Variants in PP2D1 observed in about 807,000 individuals in gnomAD.
The protein encoded by PP2D1 is protein phosphatase 2C like domain containing 1.
PP2D1 carries 25 observed loss-of-function variants against 30.2 expected under a neutral mutation model. The ratio of observed to expected loss-of-function variants is 0.83; its 90% CI spans 0.60 to 1.16. The LOEUF (loss-of-function observed/expected upper bound fraction) is 1.16. PP2D1 is among the 50% of genes most tolerant of loss of function. The pLI, the probability that PP2D1 is intolerant of heterozygous loss-of-function variation, is 0.00. For missense variants in PP2D1, 760 were observed against 742.4 expected (o/e 1.02, Z -0.28); for synonymous variants, 260 against 258.9 (o/e 1.00, Z -0.04).
chr3:20,004,707 C>T (rs1448727690), intron 1 of PP2D1, among the ~76,000 whole-genome samples: 2 of 152,052 alleles, frequency 1.3e-5, no homozygotes, highest in South Asian at 2.1e-4. Context: ...CATTTTTATC[C>T]ATTTCATGTA....
intron 3 of PP2D1, chr3:19,980,209 C>G (rs1696896845): frequency 6.6e-6 from 1 of 152,160 alleles, no homozygotes; most frequent in Admixed American, 6.5e-5. Context: ...GTTAATAGGC[C>G]TCTCAAATCA....
At chr3:19,985,167 A>G, downstream of PP2D1, 1 of 490,952 alleles carries the variant, frequency 2.0e-6, no homozygotes, top group Admixed American at 3.9e-5. Context: ...AAAGTGGTAT[A>G]AAAAGCAAGT....
chr3:19,987,850 T>C (rs973269867), intron 2 of PP2D1, among the ~76,000 whole-genome samples: 8 of 152,222 alleles, frequency 5.3e-5, no homozygotes, highest in Non-Finnish European at 1.2e-4. Context: ...TGTGAAGATT[T>C]AATGGACATT....
intron 2 of PP2D1, among the ~76,000 whole-genome samples, chr3:19,993,615 CTTAG>C (rs1489163431): frequency 2.0e-5 from 3 of 152,174 alleles, no homozygotes; most frequent in African/African-American, 7.2e-5. Context: ...TGCCAGTAAT[CTTAG>C]CTCCTTGGGA....
chr3:19,989,381 C>T (rs1434425735), intron 2 of PP2D1, among the ~76,000 whole-genome samples: 1 of 152,078 alleles, frequency 6.6e-6, no homozygotes, highest in Non-Finnish European at 1.5e-5. Context: ...AAACTGTTGT[C>T]TCATTTATAT....
downstream of PP2D1, chr3:19,984,684 T>G (rs2125135757): frequency 6.4e-6 from 1 of 155,050 alleles, no homozygotes; most frequent in East Asian, 1.9e-4. Context: ...CAAACTTGAT[T>G]ATTTTAAATT....
intron 1 of PP2D1, 132 bp downstream of exon 1, chr3:20,011,918 T>C: frequency 1.6e-6 from 1 of 620,470 alleles, no homozygotes; most frequent in Admixed American, 2.9e-5. Context: ...GATATATCAC[T>C]CTTCAATGTA....
intron 2 of PP2D1, among the ~76,000 whole-genome samples, chr3:19,989,724 C>T (rs1410854084): frequency 6.6e-6 from 1 of 152,080 alleles, no homozygotes; most frequent in Non-Finnish European, 1.5e-5. Flanking sequence ...AAAATTTTTA[C>T]GTGTGTGCAT....
At chr3:19,997,088 A>G (rs1427870420) in intron 2 of PP2D1, among the ~76,000 whole-genome samples, 2 of 152,108 alleles carry the variant, frequency 1.3e-5, no homozygotes, top group East Asian at 3.9e-4. Flanking sequence ...AGGCCCTGCT[A>G]TGGTATGTAT....
chr3:19,988,979 C>G (rs903751052), intron 2 of PP2D1, among the ~76,000 whole-genome samples: 4 of 151,430 alleles, frequency 2.6e-5, no homozygotes, highest in African/African-American at 9.7e-5. Flanking sequence ...AAGCAAGACT[C>G]TCTCAAAAAA....
chr3:20,009,566 A>T (rs62241332), intron 1 of PP2D1, among the ~76,000 whole-genome samples: 13,757 of 152,260 alleles, frequency 0.09, 696 homozygotes, highest in Middle Eastern at 0.18. Context: ...AAATAATGTA[A>T]TGTCCATAGA....
intron 2 of PP2D1, among the ~76,000 whole-genome samples, chr3:19,997,647 G>A (rs1248707480): frequency 6.6e-6 from 1 of 152,146 alleles, no homozygotes; most frequent in Non-Finnish European, 1.5e-5. Flanking sequence ...TAAAGAAAAT[G>A]TAGTATAAGT....
chr3:19,991,059 T>C (rs1697113836), intron 2 of PP2D1, among the ~76,000 whole-genome samples: 1 of 152,172 alleles, frequency 6.6e-6, no homozygotes, highest in Non-Finnish European at 1.5e-5. Flanking sequence ...AGGTAACAGC[T>C]TTCAGTATTT....
chr3:19,983,818 A>G, downstream of PP2D1: 1 of 1,587,910 alleles, frequency 6.3e-7, no homozygotes, highest in Non-Finnish European at 8.6e-7. Context: ...GTGTTGTAGT[A>G]ACTAAACCTC....
chr3:20,008,542 G>A (rs951926561), intron 1 of PP2D1, among the ~76,000 whole-genome samples: 2 of 152,068 alleles, frequency 1.3e-5, no homozygotes, highest in African/African-American at 4.8e-5. Flanking sequence ...ACTCCAGCCC[G>A]GGCAACAAGA....
At chr3:19,982,986 T>G (rs897069652), downstream of PP2D1, among the ~76,000 whole-genome samples, 1 of 152,148 alleles carries the variant, frequency 6.6e-6, no homozygotes, top group Non-Finnish European at 1.5e-5. Flanking sequence ...GAGCTGAGCT[T>G]CTTTATAAAC....
intron 2 of PP2D1, 58 bp from the exon 3 acceptor site, chr3:19,986,240 A>G: frequency 1.7e-6 from 2 of 1,206,404 alleles, no homozygotes. Flanking sequence ...CAATTGTATC[A>G]AAATCTACTG....
downstream of PP2D1, among the ~76,000 whole-genome samples, chr3:19,982,199 C>T (rs919302418): frequency 2.0e-5 from 3 of 152,100 alleles, no homozygotes; most frequent in Admixed American, 6.5e-5. Context: ...GATTGATGCA[C>T]CACACTCTAA....
chr3:19,997,412 T>C (rs1432015717), intron 2 of PP2D1, among the ~76,000 whole-genome samples: 1 of 151,360 alleles, frequency 6.6e-6, no homozygotes, highest in Non-Finnish European at 1.5e-5. Flanking sequence ...ATAAAGGCCC[T>C]GCTATGGTAT....
Sources: allele counts gnomAD v4.1 joint callset (sites outside exome capture counted in the v4.1 genomes callset), GRCh38; gene constraint gnomAD v4.1.1; transcripts MANE v1.5; gene names NCBI Gene and HGNC (gene_info 2026-07-23, HGNC 2026-07-21).